ABCB1: variants seen among roughly 807,000 people sequenced by gnomAD.
The protein encoded by ABCB1 is ATP binding cassette subfamily B member 1, also known as ATP-dependent translocase ABCB1.
A neutral mutation model predicts 142.0 loss-of-function variants in ABCB1; 69 were observed. The ratio of observed to expected loss-of-function variants is 0.49; its 90% CI spans 0.40 to 0.59. The LOEUF is 0.59. ABCB1 is among the 20% of genes least tolerant of loss of function. The probability of loss-of-function intolerance (pLI) is 0.00; values close to 1 mark genes in which losing one functional copy is unlikely to be tolerated. For synonymous variants in ABCB1, 532 were observed against 539.2 expected (o/e 0.99, Z 0.18); for missense variants, 1,326 against 1,554.7 (o/e 0.85, Z 2.47).
intron 1 of ABCB1, among the ~76,000 whole-genome samples, chr7:87,657,673 A>C (rs1413161968): frequency 1.3e-5 from 2 of 152,124 alleles, no homozygotes; most frequent in Non-Finnish European, 2.9e-5. Flanking sequence ...GTTCCTGGCC[A>C]TACTGGGGTG....
At position 87,541,316 on chromosome 7, in the gene ABCB1, G is replaced by A. The variant is rs377200472; in HGVS notation, c.2319+41C>T. 2.8e-5 allele frequency: 34 copies of A among 1,230,772 alleles called. No homozygotes were observed. In the African/African-American group the frequency reaches 4.6e-4, roughly 17 times the overall value. 76.2% of individuals were successfully genotyped at this position (1,230,772 alleles called of 1,614,324 possible). A position where few individuals can be genotyped will look rare whatever the true frequency, so the allele number is the denominator to read the frequency against. On this transcript the variant is annotated intron_variant, in intron 18 of 27. Coordinates refer to ENST00000622132, the MANE Select transcript of ABCB1 (RefSeq NM_001348946.2). ...TAAATCCCCCCAGTTGAATAATGATGCATTTCTCAAAATGAATATAGTGAA... is the reference window on the plus strand; with the variant it reads ...TAAATCCCCCCAGTTGAATAATGATACATTTCTCAAAATGAATATAGTGAA...
chr7:87,703,706 A>G (rs1418223450), intron 1 of ABCB1, among the ~76,000 whole-genome samples: 3 of 151,698 alleles, frequency 2.0e-5, no homozygotes, highest in Non-Finnish European at 4.4e-5. Flanking sequence ...TTTAAATCCT[A>G]TTGTTATTAC....
rs557954557 is a variant in ABCB1 at position 87,579,142 on chromosome 7, C to A, written c.286+6370G>T. 1.1e-4 allele frequency among the ~76,000 whole-genome samples: 17 copies of A among 152,182 alleles called. No individual in the cohort carries two copies. In the South Asian group the frequency reaches 3.5e-3, roughly 32 times the overall value. ...ATTTGTTGGAGTCTTTAGGTTTTTC[C>A]AAATATAAGATTGTATCATCTGCCA... On this transcript the variant is annotated intron_variant, in intron 4 of 27. Transcript: ENST00000622132.
chr7:87,522,756 T>TAAA (rs201647811), intron 21 of ABCB1, among the ~76,000 whole-genome samples: 1 of 151,334 alleles, frequency 6.6e-6, no homozygotes, highest in Non-Finnish European at 1.5e-5. Context: ...TCCTTTTTTT[T>TAAA]AAAAAAAAAG....
chr7:87,636,522 T>C (rs903632557), intron 1 of ABCB1, among the ~76,000 whole-genome samples: 4 of 152,226 alleles, frequency 2.6e-5, no homozygotes, highest in Non-Finnish European at 5.9e-5. Context: ...GGCTTTATTT[T>C]TCACTCTGTA....
intron 20 of ABCB1, among the ~76,000 whole-genome samples, chr7:87,536,200 C>G (rs1243429130): frequency 1.3e-5 from 2 of 152,134 alleles, no homozygotes; most frequent in Admixed American, 6.6e-5. Context: ...TTCTAAATAA[C>G]TATTCTACAT....
intron 24 of ABCB1, 72 bp from the exon 25 acceptor site, chr7:87,515,500 G>C (rs7779562): frequency 0.079 from 107,113 of 1,353,484 alleles, 10,762 homozygotes; most frequent in African/African-American, 0.39. Context: ...TAACTCTCTC[G>C]ATTACCAGGT....
At chr7:87,513,014 G>A (rs1292888130) in intron 25 of ABCB1, among the ~76,000 whole-genome samples, 1 of 152,248 alleles carries the variant, frequency 6.6e-6, no homozygotes, top group Non-Finnish European at 1.5e-5. Flanking sequence ...CTACGAGGGA[G>A]ATGCACAGTG....
chr7:87,565,989 T>C, intron 7 of ABCB1, 81 bp downstream of exon 7: 3 of 1,448,672 alleles, frequency 2.1e-6, no homozygotes, highest in Non-Finnish European at 2.9e-6. Flanking sequence ...AGTCATCATG[T>C]AGTAAAAAGA....
rs117685365 is a variant in ABCB1, at chr7:87,593,557, T to C, written c.117+2209A>G. 3.7e-3 allele frequency among the ~76,000 whole-genome samples: 570 copies of C among 152,332 alleles called. 16 individuals are homozygous for C. In the East Asian group the frequency reaches 0.039, roughly 10 times the overall value. On this transcript the variant is annotated intron_variant, in intron 3 of 27. Transcript: ENST00000622132. ...TTGGCCCTTGGCTGGAACTTGGATTTGGGGAGGATTACCACCATTCTAACT... is the reference window on the plus strand; with the variant it reads ...TTGGCCCTTGGCTGGAACTTGGATTCGGGGAGGATTACCACCATTCTAACT...
At chr7:87,709,347 A>G (rs1829869772) in intron 1 of ABCB1, 5 of 985,226 alleles carry the variant, frequency 5.1e-6, no homozygotes, top group African/African-American at 1.7e-5. Flanking sequence ...TGTCTTTTAG[A>G]TGAAATTTCA....
chr7:87,514,511 C>T (rs972728315), intron 25 of ABCB1, among the ~76,000 whole-genome samples: 2 of 151,746 alleles, frequency 1.3e-5, no homozygotes, highest in African/African-American at 4.8e-5. Context: ...ACTTTTTTTT[C>T]CTCAGATGAT....
chr7:87,550,652 A>T, intron 10 of ABCB1, 73 bp downstream of exon 10: 3 of 1,568,602 alleles, frequency 1.9e-6, no homozygotes, highest in Non-Finnish European at 2.6e-6. Flanking sequence ...GGAGAGCTGG[A>T]TAAAGTGACA....
intron 1 of ABCB1, among the ~76,000 whole-genome samples, chr7:87,661,895 C>T (rs750127901): frequency 7.2e-5 from 11 of 152,002 alleles, no homozygotes; most frequent in Non-Finnish European, 1.3e-4. Flanking sequence ...CCCTTTTCTC[C>T]ACACCCTCAC....
At chr7:87,713,202 A>G (rs1583971484) in exon 1 of ABCB1, 1 of 152,316 alleles carries the variant, frequency 6.6e-6, no homozygotes, top group Admixed American at 6.5e-5. Context: ...TCCTAGGAGA[A>G]TGAGAAATGA....
At chr7:87,580,367 T>C (rs922008180) in intron 4 of ABCB1, among the ~76,000 whole-genome samples, 2 of 152,230 alleles carry the variant, frequency 1.3e-5, no homozygotes, top group Non-Finnish European at 2.9e-5. Context: ...TTTAAATATG[T>C]CACGCTACTC....
chr7:87,551,034 T>C (rs972474949), intron 9 of ABCB1, among the ~76,000 whole-genome samples, 196 bp from the exon 10 acceptor site: 4 of 152,178 alleles, frequency 2.6e-5, no homozygotes, highest in Non-Finnish European at 5.9e-5. Context: ...TTTTTTTCCT[T>C]TTTAAGAGAC....
At chr7:87,615,326 T>C (rs933919164) in intron 1 of ABCB1, among the ~76,000 whole-genome samples, 18 of 151,866 alleles carry the variant, frequency 1.2e-4, no homozygotes, top group African/African-American at 4.3e-4. Context: ...CCACTGAGAG[T>C]TAACAAGAGG....
intron 1 of ABCB1, chr7:87,710,421 T>C (rs1829973005): frequency 1.3e-5 from 7 of 558,218 alleles, no homozygotes; most frequent in Non-Finnish European, 2.2e-5. Flanking sequence ...AAAATTTACC[T>C]ATTTTTATCT....
Sources: gnomAD v4.1 joint callset for allele counts (sites outside exome capture counted in the v4.1 genomes callset) on GRCh38, gnomAD v4.1.1 for gene constraint, MANE v1.5 for transcripts, NCBI Gene and HGNC (gene_info 2026-07-23, HGNC 2026-07-21) for gene names.